NDUFAF2: variants seen among roughly 807,000 people sequenced by gnomAD.
The protein encoded by NDUFAF2 is NADH dehydrogenase [ubiquinone] 1 alpha subcomplex assembly factor 2.
A neutral mutation model predicts 22.8 loss-of-function variants in NDUFAF2; 13 were observed. The ratio of observed to expected loss-of-function variants is 0.57; its 90% CI spans 0.37 to 0.91. The LOEUF (loss-of-function observed/expected upper bound fraction) is 0.91, where lower values mean the gene tolerates loss of function less well. NDUFAF2 is among the 40% of genes least tolerant of loss of function. NDUFAF2 has a pLI of 0.01. For synonymous variants in NDUFAF2, 53 were observed against 64.2 expected, an observed-to-expected ratio of 0.83 and a Z score of 0.84; for missense variants, 162 against 195.2, an observed-to-expected ratio of 0.83 and a Z score of 1.01.
intron 1 of NDUFAF2, among the ~76,000 whole-genome samples, chr5:61,054,712 A>G (rs1188633621): frequency 6.6e-6 from 1 of 152,224 alleles, no homozygotes; most frequent in African/African-American, 2.4e-5. Context: ...AAATTCCCAC[A>G]GGTAGGAACT....
chr5:61,104,215 G>A (rs936833558), intron 3 of NDUFAF2, among the ~76,000 whole-genome samples: 1 of 152,068 alleles, frequency 6.6e-6, no homozygotes, highest in Admixed American at 6.6e-5. Context: ...ATTTCACAGA[G>A]CTAATGAGGT....
chr5:60,975,998 A>C (rs1430163986), intron 1 of NDUFAF2, among the ~76,000 whole-genome samples: 1 of 152,356 alleles, frequency 6.6e-6, no homozygotes, highest in Non-Finnish European at 1.5e-5. Flanking sequence ...TGCCCTTGGC[A>C]TATGAGCAGG....
At chr5:61,072,578 A>G (rs527445698) in intron 1 of NDUFAF2, among the ~76,000 whole-genome samples, 1 of 152,160 alleles carries the variant, frequency 6.6e-6, no homozygotes, top group African/African-American at 2.4e-5. Flanking sequence ...CATTAAATCT[A>G]GATTTATTTA....
intron 3 of NDUFAF2, among the ~76,000 whole-genome samples, chr5:61,122,472 C>T (rs969156257): frequency 2.6e-5 from 4 of 152,112 alleles, no homozygotes; most frequent in African/African-American, 9.7e-5. Context: ...TGAATTTATA[C>T]AGAAATAATT....
At chr5:61,128,395 A>G (rs571151134) in intron 3 of NDUFAF2, among the ~76,000 whole-genome samples, 13 of 152,340 alleles carry the variant, frequency 8.5e-5, no homozygotes, top group Admixed American at 8.5e-4. Context: ...CTGACTTCAA[A>G]CTATACTACA....
intron 1 of NDUFAF2, among the ~76,000 whole-genome samples, chr5:60,980,566 G>T (rs1356195967): frequency 6.6e-6 from 1 of 152,070 alleles, no homozygotes; most frequent in African/African-American, 2.4e-5. Flanking sequence ...GAGGTCAGAA[G>T]TTCGAGACCA....
chr5:61,013,593 A>G (rs1383388803), intron 1 of NDUFAF2, among the ~76,000 whole-genome samples: 1 of 152,182 alleles, frequency 6.6e-6, no homozygotes, highest in Non-Finnish European at 1.5e-5. Flanking sequence ...TCTGAATTAT[A>G]TAACATTGAA....
chr5:61,086,501 T>C (rs1023559506), intron 2 of NDUFAF2, among the ~76,000 whole-genome samples: 8 of 152,304 alleles, frequency 5.3e-5, no homozygotes, highest in Admixed American at 6.5e-5. Flanking sequence ...CTCACACTTA[T>C]ATGGTCAATT....
intron 1 of NDUFAF2, among the ~76,000 whole-genome samples, chr5:61,008,810 A>T (rs1300087424): frequency 1.3e-5 from 2 of 152,060 alleles, no homozygotes; most frequent in Non-Finnish European, 2.9e-5. Context: ...GAGGCAGATC[A>T]TTTTAAGCTC....
chr5:61,049,801 T>C (rs898622478), intron 1 of NDUFAF2, among the ~76,000 whole-genome samples: 1 of 151,922 alleles, frequency 6.6e-6, no homozygotes, highest in African/African-American at 2.4e-5. Flanking sequence ...TCATTGTATG[T>C]GTATGTGTGT....
intron 3 of NDUFAF2, among the ~76,000 whole-genome samples, chr5:61,113,396 T>C (rs769914897): frequency 6.6e-6 from 1 of 152,184 alleles, no homozygotes; most frequent in Non-Finnish European, 1.5e-5. Flanking sequence ...TTCTCCTTCA[T>C]GTTTGAAAGC....
chr5:60,994,973 G>A (rs1281280233), intron 1 of NDUFAF2, among the ~76,000 whole-genome samples: 1 of 152,010 alleles, frequency 6.6e-6, no homozygotes, highest in Admixed American at 6.6e-5. Flanking sequence ...CAGTTCTGCT[G>A]TCAAGGGACT....
chr5:61,117,899 A>G (rs1182899420), intron 3 of NDUFAF2, among the ~76,000 whole-genome samples: 1 of 152,186 alleles, frequency 6.6e-6, no homozygotes, highest in Non-Finnish European at 1.5e-5. Flanking sequence ...TTACAGAAAC[A>G]GTTGGCAGGT....
At chr5:61,017,898 C>A (rs1033802746) in intron 1 of NDUFAF2, among the ~76,000 whole-genome samples, 1 of 152,020 alleles carries the variant, frequency 6.6e-6, no homozygotes, top group Admixed American at 6.6e-5. Context: ...GACAGGCATG[C>A]GTCACCACAC....
intron 1 of NDUFAF2, among the ~76,000 whole-genome samples, chr5:61,032,330 G>C (rs746378917): frequency 6.6e-6 from 1 of 152,124 alleles, no homozygotes; most frequent in Non-Finnish European, 1.5e-5. Context: ...GTATTGCCTA[G>C]GTTTTCTTCT....
chr5:61,079,675 G>T (rs1326938420), intron 2 of NDUFAF2, among the ~76,000 whole-genome samples: 2 of 152,194 alleles, frequency 1.3e-5, no homozygotes, highest in South Asian at 2.1e-4. Context: ...TATGTTGTTT[G>T]TAGGTTTTTC....
At chr5:60,998,371 A>C (rs1006131260) in intron 1 of NDUFAF2, among the ~76,000 whole-genome samples, 2 of 152,130 alleles carry the variant, frequency 1.3e-5, no homozygotes, top group African/African-American at 4.8e-5. Flanking sequence ...GAAACCTCCA[A>C]ATAAATTGTT....
chr5:60,945,322 G>A lies in NDUFAF2; in HGVS notation c.67G>A (p.Val23Met), dbSNP rs1467779605. ...GCTGTCAAGGGAAGTGAAGGAGCAC[G>A]TGGGCACGGACCAATTCGGGAACAA... ...RSLSREVKEHVGTDQFGNKYY... is the reference protein window; with the variant it reads ...RSLSREVKEHMGTDQFGNKYY... The change falls in exon 1 of 4, where the codon GTG becomes ATG. Residue 23 changes from valine (V) to methionine (M), a missense_variant. Around this residue, in one of 2 missense-constraint regions of NDUFAF2, gnomAD observed 94 missense variants for 85.2 expected, o/e 1.10. Transcript: ENST00000296597. The A allele has an allele frequency of 6.2e-7, 1 of 1,614,128 alleles. No homozygotes were observed. The highest frequency in any genetic ancestry group is 8.5e-7 in the Non-Finnish European group (1 of 1,180,014).
intron 1 of NDUFAF2, among the ~76,000 whole-genome samples, chr5:60,991,483 C>T (rs1175536463): frequency 6.6e-6 from 1 of 152,200 alleles, no homozygotes; most frequent in African/African-American, 2.4e-5. Flanking sequence ...TGGTAACTAT[C>T]CTTCTACTGT....
Sources: gnomAD v4.1 joint callset for allele counts (sites outside exome capture counted in the v4.1 genomes callset) on GRCh38, gnomAD v4.1.1 for gene constraint, gnomAD v4.1.1 regional missense constraint, MANE v1.5 for transcripts, NCBI Gene and HGNC (gene_info 2026-07-23, HGNC 2026-07-21) for gene names.